GLB1L3: variants seen among roughly 807,000 people sequenced by gnomAD.
GLB1L3 encodes the protein galactosidase beta 1 like 3, also known as beta-galactosidase-1-like protein 3.
Under a neutral mutation model 89.5 loss-of-function variants are expected in GLB1L3, and 89 were observed. The observed-to-expected ratio is 0.99, with a 90% confidence interval of 0.84 to 1.19. The LOEUF (loss-of-function observed/expected upper bound fraction) is 1.19, where lower values mean the gene tolerates loss of function less well. Among genes scored for constraint, GLB1L3 ranks in the 50% most tolerant of loss-of-function variants. GLB1L3 has a pLI of 0.00. For synonymous variants in GLB1L3, 314 were observed against 312.3 expected, an observed-to-expected ratio of 1.01 and a Z score of -0.06; for missense variants, 812 against 813.3, an observed-to-expected ratio of 1.00 and a Z score of 0.02.
chr11:134,279,364 C>CTTTTTTTTTTTTTTTTTTTTTTTTTTTTT (rs10577769), intron 3 of GLB1L3, among the ~76,000 whole-genome samples: 22 of 108,338 alleles, frequency 2.0e-4, no homozygotes, highest in South Asian at 3.4e-4. Context: ...TTTTCTTTTT[C>CTTTTTTTTTTTTTTTTTTTTTTTTTTTTT]TTTTTTTTTT....
At chr11:134,312,666 C>G in intron 14 of GLB1L3, 150 bp from the exon 15 acceptor site, 2 of 954,658 alleles carry the variant, frequency 2.1e-6, no homozygotes, top group East Asian at 5.3e-5. Flanking sequence ...CACTGAGAGT[C>G]TCTTGGGGCC....
At chr11:134,283,346 G>C (rs1230153134) in intron 5 of GLB1L3, among the ~76,000 whole-genome samples, 3 of 152,128 alleles carry the variant, frequency 2.0e-5, no homozygotes, top group African/African-American at 7.2e-5. Context: ...TTATAGGCAT[G>C]AATCACCGCG....
intron 18 of GLB1L3, among the ~76,000 whole-genome samples, chr11:134,316,541 C>T (rs1039019234): frequency 2.0e-5 from 3 of 152,124 alleles, no homozygotes; most frequent in African/African-American, 7.2e-5. Context: ...ATAAAGGTTT[C>T]ATAACAAACA....
At chr11:134,313,514 C>G (rs573361734) in intron 16 of GLB1L3, 40 bp downstream of exon 16, 1 of 1,500,622 alleles carries the variant, frequency 6.7e-7, no homozygotes, top group South Asian at 1.2e-5. Flanking sequence ...TGCTCAGAAC[C>G]GAAGACCCGG....
intron 9 of GLB1L3, 42 bp from the exon 10 acceptor site, chr11:134,307,082 T>C: frequency 2.0e-6 from 3 of 1,485,958 alleles, no homozygotes; most frequent in Non-Finnish European, 2.8e-6. Flanking sequence ...TTTTCTTTTT[T>C]GTTTTTTGCC....
At chr11:134,281,883 T>C in intron 4 of GLB1L3, 142 bp from the exon 5 acceptor site, 1 of 646,510 alleles carries the variant, frequency 1.5e-6, no homozygotes, top group South Asian at 1.9e-5. Flanking sequence ...CGACCTGGTG[T>C]GGGAGTCCCC....
chr11:134,304,972 A>T, intron 9 of GLB1L3: 1 of 619,734 alleles, frequency 1.6e-6, no homozygotes, highest in Non-Finnish European at 2.5e-6. Context: ...GACTCAAGAG[A>T]AGTTGCTGTG....
chr11:134,311,507 C>T (rs2136220727), intron 13 of GLB1L3: 1 of 196,736 alleles, frequency 5.1e-6, no homozygotes, highest in African/African-American at 2.3e-5. Context: ...TAGCTTCTGC[C>T]CGTGCTTCAC....
chr11:134,294,192 G>C (rs1236522520), intron 9 of GLB1L3, among the ~76,000 whole-genome samples: 1 of 151,782 alleles, frequency 6.6e-6, no homozygotes, highest in African/African-American at 2.4e-5. Flanking sequence ...TCAGCCTCCC[G>C]GGTAGCTGTG....
In GLB1L3 at chr11:134,302,943, G is replaced by T. The variant is rs183613388; in HGVS notation, c.877-4181G>T. On this transcript the variant is annotated intron_variant, in intron 9 of 19. Coordinates refer to ENST00000431683, the MANE Select transcript of GLB1L3 (RefSeq NM_001080407.3). ...TGTTAATATTTCTATCATAATTGCA[G>T]ATTTGCATATTTCTACCAGTAGACC... Among the ~76,000 whole-genome samples the T allele has an allele frequency of 2.6e-3, 392 of 152,264 alleles. 4 individuals carry two copies. The highest frequency in any genetic ancestry group is 8.9e-3 in the African/African-American group (369 of 41,562).
intron 3 of GLB1L3, among the ~76,000 whole-genome samples, chr11:134,280,171 A>T (rs1053084606): frequency 6.8e-6 from 1 of 147,020 alleles, no homozygotes; most frequent in Non-Finnish European, 1.5e-5. Flanking sequence ...TTTCTGTTTT[A>T]TTTATTTATT....
At position 134,319,179 on chromosome 11, in the gene GLB1L3, C is replaced by T; in HGVS notation, c.*237C>T. The T allele has an allele frequency of 2.2e-6, 1 of 457,342 alleles. No individual in the cohort carries two copies. Among genetic ancestry groups the T allele is most frequent in the African/African-American group, 2.0e-5 (1 of 50,498 alleles). The allele number at this position is 457,342 out of a possible 1,614,324, so 28.3% of individuals were successfully genotyped here. A position where few individuals can be genotyped will look rare whatever the true frequency, so the allele number is the denominator to read the frequency against. ...CCAAGTTAGCCAGGATGGTCCCAAT[C>T]TCCTGACCTTGTGATCTGCTCTCCT... is the stretch of plus-strand genomic sequence containing the variant. On this transcript the variant is annotated 3_prime_UTR_variant, in exon 20 of 20. Coordinates refer to ENST00000431683, the MANE Select transcript of GLB1L3 (RefSeq NM_001080407.3).
chr11:134,312,479 A>T lies in GLB1L3; in HGVS notation c.1418A>T (p.Asp473Val). ...GGCCGCCTCCGTGCCCACGCTCATGACGTGGCACAGGTAGGGCCAGCAGGC... is the reference window on the plus strand; with the variant it reads ...GGCCGCCTCCGTGCCCACGCTCATGTCGTGGCACAGGTAGGGCCAGCAGGC... ...SGGRLRAHAHDVAQVFLDETM... is the reference protein window; with the variant it reads ...SGGRLRAHAHVVAQVFLDETM... Residue 473 changes from aspartate to valine, a missense_variant, in exon 14 of 20, where the codon GAC (aspartate) becomes GTC (valine). Asp to Val is a radical substitution (Grantham distance 152). Transcript: ENST00000431683. The T allele has an allele frequency of 6.2e-7, 1 of 1,612,590 alleles. No individual in the cohort carries two copies. Among genetic ancestry groups the T allele is most frequent in the Non-Finnish European group, 8.5e-7 (1 of 1,179,868 alleles).
At chr11:134,313,284 A>T (rs145195349) in intron 15 of GLB1L3, 112 bp from the exon 16 acceptor site, 3 of 745,450 alleles carry the variant, frequency 4.0e-6, no homozygotes, top group African/African-American at 1.7e-5. Context: ...TGGGCCCTGG[A>T]GCCTCCTGTT....
chr11:134,308,247 C>T (rs867900034), intron 10 of GLB1L3, among the ~76,000 whole-genome samples: 623 of 26,230 alleles, frequency 0.024, 52 homozygotes, highest in East Asian at 0.08. Flanking sequence ...ATCACCATCA[C>T]CACCATCACC....
chr11:134,309,068 T>G (rs1482691056), intron 10 of GLB1L3, among the ~76,000 whole-genome samples: 3 of 152,202 alleles, frequency 2.0e-5, no homozygotes, highest in Admixed American at 1.3e-4. Flanking sequence ...AACATTTCAC[T>G]GGAAGGTAGT....
At chr11:134,322,444 T>TA (rs1246926929), downstream of GLB1L3, among the ~76,000 whole-genome samples, 3 of 152,230 alleles carry the variant, frequency 2.0e-5, no homozygotes, top group Non-Finnish European at 2.9e-5. Context: ...TTGTAAACTC[T>TA]TTTAAAGTCT....
At chr11:134,311,872 C>T (rs1427733755) in intron 13 of GLB1L3, 1 of 153,556 alleles carries the variant, frequency 6.5e-6, no homozygotes, top group Non-Finnish European at 1.4e-5. Context: ...TCATGGCTCA[C>T]TGCAGCCTTG....
At position 134,312,364 on chromosome 11, in the gene GLB1L3, C is replaced by T. The variant is rs1243759527; in HGVS notation, c.1303C>T (p.Gln435Ter). 16 of 1,613,704 alleles carry T rather than the reference C, an allele frequency of 9.9e-6. No individual in the cohort carries two copies. Among genetic ancestry groups the T allele is most frequent in the Non-Finnish European group, 1.3e-5 (15 of 1,179,850 alleles). The part of the protein sequence containing the change: ...SYLNEPVRSR[Q>*]PVNMENLPIN... The stretch of plus-strand genomic sequence containing the variant: ...CTCCTCATAGCCAGTCAGGTCGCGT[C>T]AGCCCGTCAACATGGAGAACCTTCC... Residue 435 changes from glutamine (Q) to a stop codon, truncating the protein, a stop_gained, in exon 14 of 20, where the codon CAG becomes TAG. Transcript: ENST00000431683. LOFTEE classifies it high-confidence loss of function.
Sources: allele counts gnomAD v4.1 joint callset (sites outside exome capture counted in the v4.1 genomes callset), GRCh38; gene constraint gnomAD v4.1.1; transcripts MANE v1.5; gene names NCBI Gene and HGNC (gene_info 2026-07-23, HGNC 2026-07-21).